Variants in LDLRAP1 observed in about 807,000 individuals in gnomAD.
The protein encoded by LDLRAP1 is low density lipoprotein receptor adapter protein 1.
Under a neutral mutation model 37.8 loss-of-function variants are expected in LDLRAP1, and 30 were observed. That is an observed-to-expected ratio of 0.79 (90% CI 0.59 to 1.08). The LOEUF (loss-of-function observed/expected upper bound fraction) is 1.08, where lower values mean the gene tolerates loss of function less well. LDLRAP1 is among the 50% of genes least tolerant of loss of function. The pLI is 0.00. For missense variants in LDLRAP1, 375 were observed against 401.6 expected, an observed-to-expected ratio of 0.93 and a Z score of 0.57; for synonymous variants, 156 against 169.8, an observed-to-expected ratio of 0.92 and a Z score of 0.63.
At chr1:25,558,665 T>C (rs1317268017) in intron 4 of LDLRAP1, among the ~76,000 whole-genome samples, 1 of 152,180 alleles carries the variant, frequency 6.6e-6, no homozygotes, top group East Asian at 1.9e-4. Flanking sequence ...GATTTCATCG[T>C]CACATTGCTG....
chr1:25,585,621 T>C, the LDLRAP1 span, among the ~76,000 whole-genome samples: 1 of 152,084 alleles, frequency 6.6e-6, no homozygotes, highest in Non-Finnish European at 1.5e-5. Flanking sequence ...CACTGTGCCT[T>C]ACGGAAGCTG....
chr1:25,547,661 G>T (rs934683346), intron 1 of LDLRAP1, among the ~76,000 whole-genome samples: 6 of 152,136 alleles, frequency 3.9e-5, no homozygotes, highest in East Asian at 3.8e-4. Flanking sequence ...GACTCCTGGG[G>T]TCGGGAGATC....
chr1:25,586,406 G>C, the LDLRAP1 span, among the ~76,000 whole-genome samples: 3 of 152,088 alleles, frequency 2.0e-5, no homozygotes, highest in African/African-American at 7.2e-5. The surrounding 1 kb of genome is among the most constrained non-coding windows in gnomAD (Gnocchi z 4.3). Flanking sequence ...GGGCAGACTG[G>C]TCCCTGCAGA....
chr1:25,575,955 G>A, the LDLRAP1 span, among the ~76,000 whole-genome samples: 7 of 152,166 alleles, frequency 4.6e-5, no homozygotes, highest in African/African-American at 1.7e-4. Context: ...GAGGCTGGGT[G>A]TGGTGGCTCA....
chr1:25,590,183 AC>A, the LDLRAP1 span: 1 of 152,266 alleles, frequency 6.6e-6, no homozygotes, highest in African/African-American at 2.4e-5. Flanking sequence ...CCTGACTAAT[AC>A]GCCAAGGCCC....
At position 25,555,825 on chromosome 1, in the gene LDLRAP1, T is replaced by G. The variant is rs2044184312; in HGVS notation, c.344+853T>G. Among the ~76,000 whole-genome samples the G allele has an allele frequency of 6.6e-6, 1 of 152,188 alleles. No individual in the cohort carries two copies. The highest frequency in any genetic ancestry group is 2.1e-4 in the South Asian group (1 of 4,828). ...CAGATACCTATTCTGCCAACGTCTG[T>G]GCCAGATGAGGACTCCAATCCTGCT... On this transcript the variant is annotated intron_variant, in intron 3 of 8. Coordinates refer to ENST00000374338, the MANE Select transcript of LDLRAP1 (RefSeq NM_015627.3). The surrounding 1 kb of genome is among the most constrained non-coding windows in gnomAD (Gnocchi z 4.7).
At chr1:25,556,732 G>A (rs80175632) in intron 3 of LDLRAP1, among the ~76,000 whole-genome samples, 72 of 152,340 alleles carry the variant, frequency 4.7e-4, no homozygotes, top group African/African-American at 1.4e-3. Flanking sequence ...TCTGGGCTCA[G>A]GTCTTTAGCC....
chr1:25,588,450 G>A, the LDLRAP1 span, among the ~76,000 whole-genome samples: 2 of 152,244 alleles, frequency 1.3e-5, no homozygotes, highest in Non-Finnish European at 2.9e-5. Flanking sequence ...GTTGGGACAT[G>A]CGGGCGGCAA....
chr1:25,571,194 CT>C (rs1438592331), downstream of LDLRAP1, among the ~76,000 whole-genome samples: 1 of 152,254 alleles, frequency 6.6e-6, no homozygotes, highest in African/African-American at 2.4e-5. Context: ...ACACTGGAAG[CT>C]GCTGGCCAGT....
At position 25,543,673 on chromosome 1, in the gene LDLRAP1, A is replaced by AGCGGCGGCG; in HGVS notation, c.-20_-12dup. 8.3e-7 allele frequency: 1 copy of AGCGGCGGCG among 1,208,802 alleles called. No individual in the cohort carries two copies. Among genetic ancestry groups the AGCGGCGGCG allele is most frequent in the Non-Finnish European group, 1.0e-6 (1 of 972,440 alleles). The allele number at this position is 1,208,802 out of a possible 1,614,324, so 74.9% of individuals were successfully genotyped here. A position where few individuals can be genotyped will look rare whatever the true frequency, so the allele number is the denominator to read the frequency against. On this transcript the variant is annotated 5_prime_UTR_variant, in exon 1 of 9. Transcript: ENST00000374338. Reference sequence around the variant, plus strand: ...TTCCTGACGGAGTTTTGGCTGCGGCAGCGGCGGCGGCGGCCGGAGCGGGCC... The same window carrying AGCGGCGGCG: ...TTCCTGACGGAGTTTTGGCTGCGGCAGCGGCGGCGGCGGCGGCGGCGGCCGGAGCGGGCC...
the LDLRAP1 span, among the ~76,000 whole-genome samples, chr1:25,583,101 CTT>C: frequency 1.3e-5 from 2 of 150,934 alleles, no homozygotes; most frequent in South Asian, 4.2e-4. Context: ...ATTCCACTCT[CTT>C]TTTGTTTGCA....
intron 6 of LDLRAP1, among the ~76,000 whole-genome samples, chr1:25,563,441 A>C (rs2044394909): frequency 6.6e-6 from 1 of 152,138 alleles, no homozygotes; most frequent in African/African-American, 2.4e-5. Context: ...AAGAAAACTT[A>C]ACTATTGTGA....
chr1:25,543,744 A>C lies in LDLRAP1; in HGVS notation c.46A>C (p.Ser16Arg), dbSNP rs1218572882. The C allele has an allele frequency of 5.0e-6, 6 of 1,211,890 alleles. No individual in the cohort carries two copies. The highest frequency in any genetic ancestry group is 6.2e-6 in the Non-Finnish European group (6 of 975,230). The allele number at this position is 1,211,890 out of a possible 1,614,324, so 75.1% of individuals were successfully genotyped here. ...GGGGCGGGCGCTGATCCGGAGCCCC[A>C]GCTTGGCCAAGCAGAGCTGGGGGGG... is the stretch of plus-strand genomic sequence containing the variant. ...SAGRALIRSPSLAKQSWGGGG... is the reference protein window; with the variant it reads ...SAGRALIRSPRLAKQSWGGGG... Residue 16 changes from serine to arginine, a missense_variant, in exon 1 of 9, where the codon AGC becomes CGC. Transcript: ENST00000374338.
the LDLRAP1 span, among the ~76,000 whole-genome samples, chr1:25,580,402 T>A: frequency 6.6e-6 from 1 of 151,912 alleles, no homozygotes; most frequent in East Asian, 1.9e-4. Context: ...AAAAAGGGGG[T>A]TTGAATGCTG....
At chr1:25,552,939 C>G (rs1055503588) in intron 1 of LDLRAP1, among the ~76,000 whole-genome samples, 2 of 152,200 alleles carry the variant, frequency 1.3e-5, no homozygotes, top group Non-Finnish European at 2.9e-5. Context: ...GAATGTTAGT[C>G]CCAAAGAGGA....
chr1:25,572,305 G>A (rs1234808577), downstream of LDLRAP1, among the ~76,000 whole-genome samples: 1 of 152,144 alleles, frequency 6.6e-6, no homozygotes, highest in African/African-American at 2.4e-5. Context: ...GGCAGCGCTG[G>A]AGTCCCTGCA....
At chr1:25,573,609 G>A (rs544468986), downstream of LDLRAP1, among the ~76,000 whole-genome samples, 14 of 152,308 alleles carry the variant, frequency 9.2e-5, no homozygotes, top group South Asian at 2.7e-3. Flanking sequence ...CTGTTGGGGG[G>A]CAGGGAGGGT....
At position 25,544,225 on chromosome 1, in the gene LDLRAP1, C is replaced by T. The variant is rs2043876352; in HGVS notation, c.88+439C>T. 6.6e-6 allele frequency among the ~76,000 whole-genome samples: 1 copy of T among 152,144 alleles called. No homozygotes were observed. Among genetic ancestry groups the T allele is most frequent in the Non-Finnish European group, 1.5e-5 (1 of 67,996 alleles). Reference sequence around the variant, plus strand: ...TCCCGCACCCCTGCGCCCCAGCCAGCAGCTGCGGCGGTCAGGAGCCCACTG... The same window carrying T: ...TCCCGCACCCCTGCGCCCCAGCCAGTAGCTGCGGCGGTCAGGAGCCCACTG... On this transcript the variant is annotated intron_variant, in intron 1 of 8. Transcript: ENST00000374338. The surrounding 1 kb of genome is among the most constrained non-coding windows in gnomAD (Gnocchi z 4.8).
the LDLRAP1 span, among the ~76,000 whole-genome samples, chr1:25,588,207 T>G: frequency 6.6e-6 from 1 of 152,170 alleles, no homozygotes; most frequent in Non-Finnish European, 1.5e-5. Context: ...CCCCATGTGA[T>G]AGTCTGAAAT....
Sources: gnomAD v4.1 joint callset for allele counts (sites outside exome capture counted in the v4.1 genomes callset) on GRCh38, gnomAD v4.1.1 for gene constraint, Gnocchi (gnomAD v3.1) non-coding constraint, MANE v1.5 for transcripts, NCBI Gene and HGNC (gene_info 2026-07-23, HGNC 2026-07-21) for gene names.